RBMS3: variants seen among roughly 807,000 people sequenced by gnomAD.
The protein encoded by RBMS3 is RNA binding motif single stranded interacting protein 3, also known as RNA-binding motif, single-stranded-interacting protein 3.
In RBMS3, 27 loss-of-function variants were observed where a neutral mutation model predicts 66.8. That is an observed-to-expected ratio of 0.40 (90% CI 0.30 to 0.56). The LOEUF is 0.56. Ranked by LOEUF, RBMS3 falls within the 20% of genes least tolerant of loss-of-function variation. The pLI is 0.40. For missense variants in RBMS3, 513 were observed against 549.5 expected, an observed-to-expected ratio of 0.93 and a Z score of 0.66; for synonymous variants, 188 against 183.0, an observed-to-expected ratio of 1.03 and a Z score of -0.22.
chr3:29,934,270 C>CTAAG (rs1249038912), intron 10 of RBMS3: 3 of 151,498 alleles, frequency 2.0e-5, no homozygotes, highest in Non-Finnish European at 4.4e-5. Context: ...CTTGCAGCTG[C>CTAAG]TAAGCATTAG....
At chr3:29,697,392 A>G (rs1278661632) in intron 4 of RBMS3, among the ~76,000 whole-genome samples, 1 of 152,184 alleles carries the variant, frequency 6.6e-6, no homozygotes, top group African/African-American at 2.4e-5. Flanking sequence ...CATCTCTCTG[A>G]AACGTTGGGG....
chr3:29,449,868 G>A (rs1488491883), intron 2 of RBMS3, among the ~76,000 whole-genome samples: 1 of 152,184 alleles, frequency 6.6e-6, no homozygotes, highest in Non-Finnish European at 1.5e-5. Context: ...GTTAGTTTGT[G>A]ACACTAAATT....
chr3:29,615,574 A>T (rs1390558547), intron 4 of RBMS3, among the ~76,000 whole-genome samples: 4 of 152,186 alleles, frequency 2.6e-5, no homozygotes, highest in Non-Finnish European at 1.5e-5. Context: ...CATAAATAAA[A>T]TACAATAAAA....
chr3:29,579,527 G>A (rs1045403685), intron 3 of RBMS3, among the ~76,000 whole-genome samples: 1 of 152,062 alleles, frequency 6.6e-6, no homozygotes, highest in African/African-American at 2.4e-5. Context: ...TTGGGGCTGG[G>A]GTTTCTAGAG....
At chr3:29,656,335 T>A (rs1438578093) in intron 4 of RBMS3, among the ~76,000 whole-genome samples, 1 of 152,304 alleles carries the variant, frequency 6.6e-6, no homozygotes, top group South Asian at 2.1e-4. Flanking sequence ...TATAGATATG[T>A]TTAGATACAC....
Position 29,866,077 on chromosome 3 carries a change from TAAAAA to T in RBMS3, c.638-2763_638-2759del, listed in dbSNP as rs35591949. 4.7e-5 allele frequency among the ~76,000 whole-genome samples: 5 copies of T among 105,578 alleles called. No individual in the cohort carries two copies. In the South Asian group the frequency reaches 1.1e-3, roughly 23 times the overall value. 69.3% of individuals were successfully genotyped at this position (105,578 alleles called of 152,430 possible). A position where few individuals can be genotyped will look rare whatever the true frequency, so the allele number is the denominator to read the frequency against. On this transcript the variant is annotated intron_variant, in intron 6 of 14. Transcript: ENST00000383767. ...TTAGTCTATTATTAACACCAAATACTAAAAAAAAAAAAAAAAAAAAAATTCCTCTT... is the reference window on the plus strand; with the variant it reads ...TTAGTCTATTATTAACACCAAATACTAAAAAAAAAAAAAAAAATTCCTCTT...
rs551302074 is a variant in RBMS3 at position 29,676,369 on chromosome 3, A to G, written c.400-63351A>G. Reference sequence around the variant, plus strand: ...CAGCACACCAACATGGCACATGTATACATATGTAACAAACCTGCACGTTGT... The same window carrying G: ...CAGCACACCAACATGGCACATGTATGCATATGTAACAAACCTGCACGTTGT... On this transcript the variant is annotated intron_variant, in intron 4 of 14. Transcript: ENST00000383767. 2.3e-4 allele frequency among the ~76,000 whole-genome samples: 35 copies of G among 152,340 alleles called. No individual in the cohort carries two copies. In the East Asian group the frequency reaches 5.0e-3, roughly 22 times the overall value.
At chr3:29,383,315 A>C (rs1481848524) in intron 1 of RBMS3, among the ~76,000 whole-genome samples, 1 of 152,202 alleles carries the variant, frequency 6.6e-6, no homozygotes, top group East Asian at 1.9e-4. Context: ...TCACTTGTCT[A>C]TGTAGGAAGA....
chr3:29,808,323 T>C (rs764013442), intron 6 of RBMS3, among the ~76,000 whole-genome samples: 2 of 152,030 alleles, frequency 1.3e-5, no homozygotes, highest in Non-Finnish European at 2.9e-5. Context: ...TTATACCCAA[T>C]TTGGCTTCTT....
chr3:29,570,157 A>G (rs9877601), intron 3 of RBMS3, among the ~76,000 whole-genome samples: 9,485 of 152,176 alleles, frequency 0.062, 582 homozygotes, highest in East Asian at 0.32. Flanking sequence ...ATTAGAAAAA[A>G]TCAATAGTCA....
intron 4 of RBMS3, among the ~76,000 whole-genome samples, chr3:29,640,000 A>G (rs574398368): frequency 6.6e-6 from 1 of 151,856 alleles, no homozygotes; most frequent in Non-Finnish European, 1.5e-5. Flanking sequence ...CTCTGATATA[A>G]TCCCCTCCTA....
chr3:29,706,168 G>T (rs983579836), intron 4 of RBMS3, among the ~76,000 whole-genome samples: 57 of 152,174 alleles, frequency 3.7e-4, no homozygotes, highest in African/African-American at 1.3e-3. Flanking sequence ...TTGATGTCAG[G>T]AAGAGAATCT....
chr3:29,886,498 T>A (rs1487949008), intron 8 of RBMS3, among the ~76,000 whole-genome samples: 1 of 151,808 alleles, frequency 6.6e-6, no homozygotes, highest in Non-Finnish European at 1.5e-5. Context: ...ACTTAGTTTA[T>A]CAAGGATAGA....
intron 3 of RBMS3, among the ~76,000 whole-genome samples, chr3:29,560,267 A>T (rs552441671): frequency 2.6e-5 from 4 of 152,214 alleles, no homozygotes. Context: ...ATAATTAATT[A>T]TTTTCTCTGC....
intron 3 of RBMS3, among the ~76,000 whole-genome samples, chr3:29,492,197 C>T (rs1184583654): frequency 6.6e-6 from 1 of 151,980 alleles, no homozygotes; most frequent in Non-Finnish European, 1.5e-5. Flanking sequence ...CCCTGTAAGT[C>T]AGCAAATCAT....
chr3:29,435,783 G>T (rs966154740), intron 2 of RBMS3, among the ~76,000 whole-genome samples: 1 of 151,998 alleles, frequency 6.6e-6, no homozygotes, highest in Admixed American at 6.6e-5. Flanking sequence ...CCCCATCCTG[G>T]CTAACACGGT....
intron 12 of RBMS3, among the ~76,000 whole-genome samples, chr3:29,953,581 A>G (rs1357749350): frequency 6.6e-6 from 1 of 151,952 alleles, no homozygotes; most frequent in Non-Finnish European, 1.5e-5. Context: ...TGCAAACATG[A>G]GAGAGGGTAA....
intron 1 of RBMS3, among the ~76,000 whole-genome samples, chr3:29,309,026 A>C (rs2034207415): frequency 6.6e-6 from 1 of 151,796 alleles, no homozygotes; most frequent in African/African-American, 2.4e-5. Context: ...ATTTATAGAA[A>C]TAACACAGGT....
At chr3:29,818,144 A>G (rs2057968257) in intron 6 of RBMS3, among the ~76,000 whole-genome samples, 1 of 152,172 alleles carries the variant, frequency 6.6e-6, no homozygotes, top group South Asian at 2.1e-4. Context: ...TCTAAATGAC[A>G]CATGAGAAGC....
Sources: gnomAD v4.1 joint callset for allele counts (sites outside exome capture counted in the v4.1 genomes callset) on GRCh38, gnomAD v4.1.1 for gene constraint, MANE v1.5 for transcripts, NCBI Gene and HGNC (gene_info 2026-07-23, HGNC 2026-07-21) for gene names.